Variants in TBCD observed in about 807,000 individuals in gnomAD.
TBCD encodes tubulin folding cofactor D.
Under a neutral mutation model 169.3 loss-of-function variants are expected in TBCD, and 105 were observed. The observed-to-expected ratio is 0.62, with a 90% CI of 0.53 to 0.73. TBCD has a LOEUF of 0.73. Ranked by LOEUF, TBCD falls within the 30% of genes least tolerant of loss-of-function variation. TBCD has a pLI of 0.00. For synonymous variants in TBCD, 700 were observed against 643.9 expected, an observed-to-expected ratio of 1.09 and a Z score of -1.32; for missense variants, 1,444 against 1,600.1, an observed-to-expected ratio of 0.90 and a Z score of 1.66.
chr17:82,801,143 G>A (rs2050486787), intron 9 of TBCD, 147 bp downstream of exon 9: 1 of 315,588 alleles, frequency 3.2e-6, no homozygotes, highest in East Asian at 1.4e-4. Flanking sequence ...GGTGGGGGAG[G>A]CAGGCGCCAT....
intron 13 of TBCD, among the ~76,000 whole-genome samples, chr17:82,859,220 C>T (rs2056562873): frequency 2.1e-5 from 3 of 145,526 alleles, no homozygotes; most frequent in African/African-American, 5.2e-5. Context: ...CACTGGCTTT[C>T]AGGGAAAGAG....
intron 1 of TBCD, among the ~76,000 whole-genome samples, chr17:82,754,403 T>C: frequency 6.6e-6 from 1 of 152,122 alleles, no homozygotes; most frequent in East Asian, 1.9e-4. Flanking sequence ...ATGGAAACAA[T>C]CTGAAAAGAT....
intron 13 of TBCD, among the ~76,000 whole-genome samples, chr17:82,851,502 G>T (rs1295180613): frequency 6.6e-6 from 1 of 152,172 alleles, no homozygotes; most frequent in African/African-American, 2.4e-5. Flanking sequence ...CTGCGATGTG[G>T]ACTGCATGTG....
intron 17 of TBCD, among the ~76,000 whole-genome samples, chr17:82,895,117 T>C (rs1479712977): frequency 3.3e-5 from 5 of 152,254 alleles, no homozygotes; most frequent in Non-Finnish European, 5.9e-5. Context: ...GTGTGCGTTT[T>C]ATAAAAACAT....
Position 82,892,018 on chromosome 17 carries a change from C to T in TBCD, c.1564-1529C>T, listed in dbSNP as rs560113576. On this transcript the variant is annotated intron_variant, in intron 16 of 38. Transcript: ENST00000355528. ...AGGCCCTTGTGGTGGCCTGTCCACA[C>T]CCAGGCCCCCCACTTCCCCCCTGCA... is the stretch of plus-strand genomic sequence containing the variant. Among the ~76,000 whole-genome samples the T allele has an allele frequency of 5.3e-5, 8 of 152,282 alleles. No homozygotes were observed. The South Asian group carries it at 1.7e-3, about 32-fold the overall frequency.
At chr17:82,752,512 G>C (rs533720371) in intron 1 of TBCD, 135 bp downstream of exon 1, 2 of 717,400 alleles carry the variant, frequency 2.8e-6, no homozygotes, top group South Asian at 6.5e-5. Flanking sequence ...GGTCCCGCGG[G>C]CCGTGGTGGG....
At chr17:82,793,304 A>G (rs2049877558) in intron 7 of TBCD, among the ~76,000 whole-genome samples, 1 of 152,080 alleles carries the variant, frequency 6.6e-6, no homozygotes, top group Non-Finnish European at 1.5e-5. Flanking sequence ...GCCTGTCCCC[A>G]CCAGTGCCCC....
intron 13 of TBCD, among the ~76,000 whole-genome samples, chr17:82,850,518 T>C (rs1184296985): frequency 1.8e-4 from 17 of 92,306 alleles, no homozygotes; most frequent in Non-Finnish European, 2.0e-4. Flanking sequence ...GGCTGTGCTG[T>C]TGTTGGCTGT....
chr17:82,759,138 C>T (rs1416840500), intron 2 of TBCD, among the ~76,000 whole-genome samples: 1 of 152,122 alleles, frequency 6.6e-6, no homozygotes, highest in Non-Finnish European at 1.5e-5. Context: ...CTTCAGCCTC[C>T]TGCAGAGCTG....
At position 82,831,351 on chromosome 17, in the gene TBCD, C is replaced by T. The variant is rs373136726; in HGVS notation, c.1318+16417C>T. On this transcript the variant is annotated intron_variant, in intron 13 of 38. Coordinates refer to ENST00000355528, the MANE Select transcript of TBCD (RefSeq NM_005993.5). The surrounding 1 kb of genome is among the most constrained non-coding windows in gnomAD (Gnocchi z 4.6). ...ACTCGACGTGTTTTCTGTTGGGGTC[C>T]GAAGGGTTTAACCTGGAAGGACTCG... is the stretch of plus-strand genomic sequence containing the variant. The T allele has an allele frequency of 2.2e-5, 36 of 1,613,980 alleles. No individual in the cohort carries two copies. The African/African-American group carries it at 3.1e-4, about 14-fold the overall frequency.
intron 10 of TBCD, among the ~76,000 whole-genome samples, chr17:82,807,323 G>T (rs1035572137): frequency 8.5e-5 from 13 of 152,212 alleles, no homozygotes; most frequent in African/African-American, 2.9e-4. Flanking sequence ...CCTGGGTGGG[G>T]CCCTTGATGT....
At position 82,766,496 on chromosome 17, in the gene TBCD, CCT is replaced by C; in HGVS notation, c.435+131_435+132del. 5 of 560,618 alleles carry C rather than the reference CCT, an allele frequency of 8.9e-6. No individual in the cohort carries two copies. In the Middle Eastern group the frequency reaches 1.1e-3, roughly 126 times the overall value. The allele number at this position is 560,618 out of a possible 1,614,324, so 34.7% of individuals were successfully genotyped here. On this transcript the variant is annotated intron_variant, in intron 4 of 38. Coordinates refer to ENST00000355528, the MANE Select transcript of TBCD (RefSeq NM_005993.5). ...TTATCTCCCTTTGTTTTGTGTCACT[CCT>C]CTTTTCTTTCTTTTCTTTTCACTTT...
intron 13 of TBCD, chr17:82,859,507 A>G: frequency 7.2e-6 from 7 of 976,112 alleles, no homozygotes; most frequent in Non-Finnish European, 8.5e-6. Flanking sequence ...TTTCAGGGAG[A>G]TTGGGCCTTG....
intron 7 of TBCD, among the ~76,000 whole-genome samples, chr17:82,785,172 A>G (rs574431999): frequency 4.9e-5 from 5 of 103,022 alleles, no homozygotes; most frequent in Non-Finnish European, 7.8e-5. Flanking sequence ...ATGCTGTGTG[A>G]CTGGGACCAC....
In TBCD at chr17:82,752,287, G is replaced by C. The variant is rs765300095; in HGVS notation, c.94G>C (p.Glu32Gln). The C allele has an allele frequency of 6.6e-7, 1 of 1,512,428 alleles. No homozygotes were observed. Among genetic ancestry groups the C allele is most frequent in the South Asian group, 1.2e-5 (1 of 81,554 alleles). 93.7% of individuals were successfully genotyped at this position (1,512,428 alleles called of 1,614,324 possible). The change falls in exon 1 of 39, where the codon GAG (glutamate) becomes CAG (glutamine). Residue 32 changes from glutamate (E) to glutamine (Q), a missense_variant. Physicochemically the swap from Glu to Gln is conservative, Grantham distance 29. Transcript: ENST00000355528. ...AFGAALEAFGESAETRALLGR... is the reference protein window; with the variant it reads ...AFGAALEAFGQSAETRALLGR... ...TGGCGCGGCGCTGGAAGCGTTCGGC[G>C]AGAGCGCGGAGACCCGGGCGCTGCT...
At chr17:82,841,574 A>C (rs779251011) in intron 13 of TBCD, among the ~76,000 whole-genome samples, 1 of 152,194 alleles carries the variant, frequency 6.6e-6, no homozygotes, top group African/African-American at 2.4e-5. Flanking sequence ...TGAGACATCC[A>C]TATACTTTAT....
Position 82,800,916 on chromosome 17 carries a change from G to T in TBCD, c.870G>T (p.Gln290His). The T allele has an allele frequency of 1.2e-6, 2 of 1,612,592 alleles. No individual in the cohort carries two copies. The highest frequency in any genetic ancestry group is 1.7e-6 in the Non-Finnish European group (2 of 1,179,506). Residue 290 changes from glutamine to histidine, a missense_variant, in exon 9 of 39, where the codon CAG (glutamine) becomes CAT (histidine). Transcript: ENST00000355528. ...LDGCRLPESN[Q>H]TLLRKLGVKL... ...GCTGCAGACTCCCTGAGAGCAACCAGACCCTGCTGCGGAAGCTGGGGGTGA... is the reference window on the plus strand; with the variant it reads ...GCTGCAGACTCCCTGAGAGCAACCATACCCTGCTGCGGAAGCTGGGGGTGA...
intron 8 of TBCD, among the ~76,000 whole-genome samples, chr17:82,800,286 C>T (rs2050410936): frequency 6.6e-6 from 1 of 152,198 alleles, no homozygotes; most frequent in Non-Finnish European, 1.5e-5. Context: ...CGCAGGCTCT[C>T]CCTGTCGTGC....
At chr17:82,926,094 G>A (rs536966547) in intron 27 of TBCD, among the ~76,000 whole-genome samples, 3 of 51,802 alleles carry the variant, frequency 5.8e-5, no homozygotes, top group Middle Eastern at 0.011. Flanking sequence ...GGAGAGGCTG[G>A]AGGTGACCTC....
Sources: allele counts gnomAD v4.1 joint callset (sites outside exome capture counted in the v4.1 genomes callset), GRCh38; gene constraint gnomAD v4.1.1; non-coding constraint Gnocchi (gnomAD v3.1); transcripts MANE v1.5; gene names NCBI Gene and HGNC (gene_info 2026-07-23, HGNC 2026-07-21).